The following CDH19 variants were observed in gnomAD, a reference collection of about 807,000 sequenced individuals.
CDH19 encodes cadherin 19, also known as cadherin-19.
A neutral mutation model predicts 64.2 loss-of-function variants in CDH19; 67 were observed. The ratio of observed to expected loss-of-function variants is 1.04; its 90% CI spans 0.86 to 1.28. The LOEUF is 1.28. Among genes scored for constraint, CDH19 ranks in the 50% most tolerant of loss-of-function variants. The pLI, the probability that CDH19 is intolerant of heterozygous loss-of-function variation, is 0.00. For synonymous variants in CDH19, 346 were observed against 319.3 expected, an observed-to-expected ratio of 1.08 and a Z score of -0.89; for missense variants, 1,030 against 929.0, an observed-to-expected ratio of 1.11 and a Z score of -1.41.
At chr18:66,541,799 C>T (rs1370819880) in intron 7 of CDH19, among the ~76,000 whole-genome samples, 1 of 152,000 alleles carries the variant, frequency 6.6e-6, no homozygotes, top group Non-Finnish European at 1.5e-5. Flanking sequence ...AAGTCATTAG[C>T]TAAAATATTT....
At chr18:66,521,083 TC>T (rs78282504) in intron 9 of CDH19, among the ~76,000 whole-genome samples, 43,580 of 151,932 alleles carry the variant, frequency 0.29, 7,336 homozygotes, top group Middle Eastern at 0.38. Flanking sequence ...TGCTGAAATT[TC>T]TATACACACA....
chr18:66,510,544 TA>T (rs934817252), intron 10 of CDH19, among the ~76,000 whole-genome samples: 263 of 145,762 alleles, frequency 1.8e-3, no homozygotes, highest in Non-Finnish European at 2.4e-3. Flanking sequence ...AGTATAATAA[TA>T]AAAAATAAAT....
intron 1 of CDH19, among the ~76,000 whole-genome samples, chr18:66,594,307 T>C (rs1018563731): frequency 5.3e-5 from 8 of 151,972 alleles, no homozygotes; most frequent in Non-Finnish European, 1.2e-4. Context: ...AACCACACAA[T>C]CATAATTGGG....
Position 66,502,592 on chromosome 18 carries a change from A to T in CDH19, c.*2220T>A, listed in dbSNP as rs1184420211. ...TAAGATTACCTAGCATTCTTTTTAA[A>T]TAAAGGAAACAACACTTCATGGAAT... On this transcript the variant is annotated 3_prime_UTR_variant, in exon 12 of 12. Coordinates refer to ENST00000262150, the MANE Select transcript of CDH19 (RefSeq NM_021153.4). 6.6e-6 allele frequency: 1 copy of T among 151,926 alleles called. No homozygotes were observed. The highest frequency in any genetic ancestry group is 2.4e-5 in the African/African-American group (1 of 41,436). 9.4% of individuals were successfully genotyped at this position (151,926 alleles called of 1,614,324 possible). A position where few individuals can be genotyped will look rare whatever the true frequency, so the allele number is the denominator to read the frequency against.
At chr18:66,524,971 G>C (rs1043735729) in intron 9 of CDH19, among the ~76,000 whole-genome samples, 1 of 152,034 alleles carries the variant, frequency 6.6e-6, no homozygotes, top group Admixed American at 6.6e-5. Context: ...CAAGTTCCCT[G>C]CTTGAAACCT....
chr18:66,530,945 T>G (rs552128578), intron 8 of CDH19, among the ~76,000 whole-genome samples: 65 of 152,192 alleles, frequency 4.3e-4, no homozygotes, highest in South Asian at 1.4e-3. Flanking sequence ...CCAAATGGCC[T>G]GTAGTGGAGA....
chr18:66,565,660 A>G (rs1599020354), intron 3 of CDH19, among the ~76,000 whole-genome samples: 1 of 152,114 alleles, frequency 6.6e-6, no homozygotes, highest in East Asian at 1.9e-4. Context: ...GATAAATCAC[A>G]TATAATTTTA....
intron 2 of CDH19, among the ~76,000 whole-genome samples, chr18:66,571,233 C>T (rs894090500): frequency 1.3e-5 from 2 of 151,528 alleles, no homozygotes; most frequent in African/African-American, 4.8e-5. Flanking sequence ...TCTATGGAAT[C>T]CAGATACCAT....
intron 3 of CDH19, among the ~76,000 whole-genome samples, chr18:66,557,331 T>G (rs2144532725): frequency 6.6e-6 from 1 of 152,090 alleles, no homozygotes; most frequent in East Asian, 1.9e-4. Context: ...CAGGTGAACA[T>G]TTTTTACTGA....
intron 1 of CDH19, among the ~76,000 whole-genome samples, chr18:66,587,430 C>A (rs1242133286): frequency 2.0e-5 from 3 of 151,992 alleles, no homozygotes; most frequent in Non-Finnish European, 4.4e-5. Flanking sequence ...CATAAACTGT[C>A]CCTAAATTCT....
intron 11 of CDH19, among the ~76,000 whole-genome samples, chr18:66,505,548 A>G (rs1568168210): frequency 7.1e-6 from 1 of 140,980 alleles, no homozygotes; most frequent in African/African-American, 2.5e-5. Flanking sequence ...TATATTTATT[A>G]ATATATATAT....
At chr18:66,596,632 T>A (rs910262850) in intron 1 of CDH19, among the ~76,000 whole-genome samples, 3 of 152,080 alleles carry the variant, frequency 2.0e-5, no homozygotes, top group African/African-American at 7.2e-5. Context: ...TTACAAAAGT[T>A]ACTGAAAATC....
intron 1 of CDH19, among the ~76,000 whole-genome samples, chr18:66,578,803 T>C (rs1328675232): frequency 6.6e-6 from 1 of 152,016 alleles, no homozygotes; most frequent in Admixed American, 6.6e-5. Flanking sequence ...CTATGCAATG[T>C]AATGATACTC....
intron 7 of CDH19, 53 bp from the exon 8 acceptor site, chr18:66,535,160 T>C: frequency 8.9e-7 from 1 of 1,122,038 alleles, no homozygotes; most frequent in Non-Finnish European, 1.2e-6. Flanking sequence ...TGCATAACAG[T>C]GTTAGATAAT....
At chr18:66,567,775 G>C (rs907829771) in intron 3 of CDH19, among the ~76,000 whole-genome samples, 7 of 151,662 alleles carry the variant, frequency 4.6e-5, no homozygotes, top group African/African-American at 1.7e-4. Context: ...GAATAACTGA[G>C]AGAAGTTGTG....
chr18:66,576,482 C>T (rs575460262), intron 1 of CDH19, among the ~76,000 whole-genome samples: 3 of 151,316 alleles, frequency 2.0e-5, no homozygotes, highest in Non-Finnish European at 3.0e-5. Context: ...AAGTGATAAA[C>T]ATATCATTTC....
intron 10 of CDH19, 44 bp downstream of exon 10, chr18:66,511,524 G>A (rs1253151234): frequency 1.2e-6 from 1 of 818,676 alleles, no homozygotes; most frequent in African/African-American, 1.7e-5. Flanking sequence ...TCTAACATGA[G>A]TCACAAAAAT....
At chr18:66,566,297 T>C (rs1321037348) in intron 3 of CDH19, among the ~76,000 whole-genome samples, 3 of 150,848 alleles carry the variant, frequency 2.0e-5, no homozygotes, top group Non-Finnish European at 3.0e-5. Flanking sequence ...TTTTTTTTTT[T>C]CAAGAACAGT....
chr18:66,592,733 C>T (rs372268278), intron 1 of CDH19, among the ~76,000 whole-genome samples: 2 of 151,846 alleles, frequency 1.3e-5, no homozygotes, highest in African/African-American at 4.8e-5. Context: ...TTTTCTATGG[C>T]TGAATAGTAT....
Sources: gnomAD v4.1 joint callset for allele counts (sites outside exome capture counted in the v4.1 genomes callset) on GRCh38, gnomAD v4.1.1 for gene constraint, MANE v1.5 for transcripts, NCBI Gene and HGNC (gene_info 2026-07-23, HGNC 2026-07-21) for gene names.